Variants in EML2 observed in about 807,000 individuals in gnomAD.
EML2 encodes the protein EMAP like 2.
EML2 carries 59 observed loss-of-function variants against 84.7 expected under a neutral mutation model. The ratio of observed to expected loss-of-function variants is 0.70; its 90% CI spans 0.56 to 0.86. EML2 has a LOEUF of 0.86. EML2 is among the 40% of genes least tolerant of loss of function. The pLI is 0.00. For synonymous variants in EML2, 352 were observed against 348.9 expected (o/e 1.01, Z -0.10); for missense variants, 818 against 855.6 (o/e 0.96, Z 0.55).
chr19:45,613,199 T>C (rs1351593798), intron 18 of EML2, among the ~76,000 whole-genome samples: 1 of 152,202 alleles, frequency 6.6e-6, no homozygotes, highest in Non-Finnish European at 1.5e-5. Flanking sequence ...GCAACTGGCC[T>C]TGGCCTCCCT....
At chr19:45,640,878 C>T (rs1267269647), upstream of EML2, 1 of 152,468 alleles carries the variant, frequency 6.6e-6, no homozygotes, top group Non-Finnish European at 1.5e-5. Context: ...ATGGCCCCGC[C>T]TCTGGAGTTG....
intron 7 of EML2, among the ~76,000 whole-genome samples, chr19:45,629,399 C>T (rs1208938796): frequency 6.6e-6 from 1 of 152,032 alleles, no homozygotes; most frequent in Non-Finnish European, 1.5e-5. Context: ...GATCTTGGCT[C>T]ACCGCAACCT....
intron 7 of EML2, among the ~76,000 whole-genome samples, chr19:45,628,379 A>G (rs1391085674): frequency 6.6e-6 from 1 of 151,292 alleles, no homozygotes; most frequent in African/African-American, 2.4e-5. Context: ...AATAGAAAAA[A>G]AAAAAGTGAG....
At chr19:45,642,626 G>C (rs1021186218), upstream of EML2, 6 of 964,224 alleles carry the variant, frequency 6.2e-6, no homozygotes, top group Admixed American at 4.2e-5. Flanking sequence ...TTTTCTAAGA[G>C]TCTGTGAACC....
Position 45,613,521 on chromosome 19 carries a change from CATCTCCCCA to C in EML2, c.1824+11_1824+19del. ...CCTGCTTGCTACCCCCGTCCATCCC[CATCTCCCCA>C]AGGGACTCACTCGAGGCTGACAGCA... On this transcript the variant is annotated intron_variant, in intron 18 of 18. Coordinates refer to ENST00000245925, the MANE Select transcript of EML2 (RefSeq NM_012155.4). 6.2e-7 allele frequency: 1 copy of C among 1,611,798 alleles called. No individual in the cohort carries two copies. Among genetic ancestry groups the C allele is most frequent in the Non-Finnish European group, 8.5e-7 (1 of 1,178,426 alleles).
At chr19:45,616,400 G>T in intron 15 of EML2, 61 bp downstream of exon 15, 1 of 1,290,264 alleles carries the variant, frequency 7.8e-7, no homozygotes, top group Non-Finnish European at 1.1e-6. Context: ...GTAGAAAATT[G>T]GTTAATTTTG....
rs1385645508 is a variant in EML2 at position 45,632,918 on chromosome 19, G to A, written c.453C>T (p.His151=). Residue 151 remains histidine, a synonymous_variant, in exon 6 of 19, where the codon CAC becomes CAT. Transcript: ENST00000245925. The part of the protein sequence containing the change: ...IWDSVSLSTL[H]VLGLGVFDRA... ...TGTCAAACACCCCCAAGCCCAGCAC[G>A]TGTAAGGTGGAGAGGGAAACTGAGT... 2.5e-6 allele frequency: 4 copies of A among 1,614,106 alleles called. No homozygotes were observed. The highest frequency in any genetic ancestry group is 3.4e-6 in the Non-Finnish European group (4 of 1,180,048).
chr19:45,643,895 CAG>C (rs1236380771), upstream of EML2, among the ~76,000 whole-genome samples: 1 of 152,230 alleles, frequency 6.6e-6, no homozygotes, highest in African/African-American at 2.4e-5. Flanking sequence ...GAACTCGTAA[CAG>C]GGGGAAACCT....
chr19:45,613,723 G>A (rs768256862), intron 17 of EML2, 52 bp from the exon 18 acceptor site: 17 of 1,587,566 alleles, frequency 1.1e-5, no homozygotes, highest in South Asian at 4.5e-5. Flanking sequence ...GCCAGGGACC[G>A]CCAAGAGGAG....
chr19:45,629,061 C>T (rs771094762), intron 7 of EML2, among the ~76,000 whole-genome samples: 2 of 152,020 alleles, frequency 1.3e-5, no homozygotes, highest in Admixed American at 6.6e-5. Flanking sequence ...CCTGGTCCAC[C>T]GTACCCCATA....
chr19:45,614,248 G>T (rs1970785941), intron 17 of EML2, among the ~76,000 whole-genome samples: 1 of 152,116 alleles, frequency 6.6e-6, no homozygotes, highest in Non-Finnish European at 1.5e-5. Flanking sequence ...TCCCCCACTG[G>T]ACTGAGAGCC....
intron 3 of EML2, 105 bp downstream of exon 3, chr19:45,638,400 C>G: frequency 1.9e-6 from 3 of 1,540,016 alleles, no homozygotes; most frequent in Non-Finnish European, 2.7e-6. Flanking sequence ...TGGCCTCAAA[C>G]GATCCTCCCA....
chr19:45,642,241 G>A, upstream of EML2: 3 of 1,535,838 alleles, frequency 2.0e-6, no homozygotes, highest in Non-Finnish European at 2.6e-6. Context: ...CAGAGCATCC[G>A]CCAGCGCCGC....
chr19:45,639,311 G>A, intron 1 of EML2, 46 bp downstream of exon 1: 3 of 1,349,274 alleles, frequency 2.2e-6, no homozygotes, highest in Non-Finnish European at 2.9e-6. Flanking sequence ...TCTAAGCCCC[G>A]GGAGCGCGGA....
At chr19:45,620,191 G>A (rs556932343) in intron 11 of EML2, among the ~76,000 whole-genome samples, 8 of 151,716 alleles carry the variant, frequency 5.3e-5, no homozygotes, top group African/African-American at 1.9e-4. Context: ...TCAGCTCACT[G>A]CAACCTCTGC....
intron 4 of EML2, 143 bp from the exon 5 acceptor site, chr19:45,633,282 C>A (rs1305009176): frequency 1.2e-6 from 1 of 813,926 alleles, no homozygotes; most frequent in African/African-American, 1.7e-5. Context: ...TGAGCGGATG[C>A]CCTCCGGGTG....
intron 3 of EML2, among the ~76,000 whole-genome samples, chr19:45,637,527 G>C (rs1368944391): frequency 2.1e-5 from 3 of 144,278 alleles, no homozygotes; most frequent in African/African-American, 7.8e-5. Flanking sequence ...CGCCCAGGCT[G>C]GAGTGCAATA....
At chr19:45,615,761 G>T in intron 16 of EML2, 41 bp downstream of exon 16, 51 of 1,474,672 alleles carry the variant, frequency 3.5e-5, no homozygotes, top group Non-Finnish European at 3.9e-5. Flanking sequence ...GTCTGCAAAT[G>T]AGACGGAGGA....
chr19:45,622,469 C>G (rs994109139), intron 9 of EML2, among the ~76,000 whole-genome samples: 1 of 152,052 alleles, frequency 6.6e-6, no homozygotes, highest in Non-Finnish European at 1.5e-5. Flanking sequence ...CTTGCTCTGT[C>G]GACCAGGCTG....
Sources: allele counts gnomAD v4.1 joint callset (sites outside exome capture counted in the v4.1 genomes callset), GRCh38; gene constraint gnomAD v4.1.1; transcripts MANE v1.5; gene names NCBI Gene and HGNC (gene_info 2026-07-23, HGNC 2026-07-21).